LUZP2: variants seen among roughly 807,000 people sequenced by gnomAD.
LUZP2 encodes leucine zipper protein 2.
In LUZP2, 52 loss-of-function variants were observed where a neutral mutation model predicts 51.6. The ratio of observed to expected loss-of-function variants is 1.01; its 90% CI spans 0.81 to 1.27. LUZP2 has a LOEUF of 1.27. Ranked by LOEUF, LUZP2 falls within the 50% of genes most tolerant of loss-of-function variation. The probability of loss-of-function intolerance (pLI) is 0.00; values close to 1 mark genes in which losing one functional copy is unlikely to be tolerated. For missense variants in LUZP2, 436 were observed against 395.4 expected (o/e 1.10, Z -0.87); for synonymous variants, 154 against 137.3 (o/e 1.12, Z -0.85).
chr11:24,779,203 C>A (rs914923711), intron 5 of LUZP2, among the ~76,000 whole-genome samples: 3 of 152,068 alleles, frequency 2.0e-5, no homozygotes, highest in Admixed American at 6.6e-5. Context: ...ACATTATTTT[C>A]TGCGTTATTT....
intron 9 of LUZP2, among the ~76,000 whole-genome samples, chr11:24,986,853 A>G (rs758086759): frequency 2.0e-5 from 3 of 151,720 alleles, no homozygotes; most frequent in Non-Finnish European, 2.9e-5. Flanking sequence ...GAATCCTACC[A>G]CTTTTAGTTT....
At chr11:24,607,936 C>G (rs1382086851) in intron 1 of LUZP2, among the ~76,000 whole-genome samples, 3 of 152,016 alleles carry the variant, frequency 2.0e-5, no homozygotes, top group Non-Finnish European at 4.4e-5. Flanking sequence ...GCAAGCTCCG[C>G]CTCCTGGGTT....
chr11:24,856,851 A>G (rs867312544), intron 5 of LUZP2, among the ~76,000 whole-genome samples: 1 of 152,110 alleles, frequency 6.6e-6, no homozygotes, highest in African/African-American at 2.4e-5. Flanking sequence ...TAAAAAGTCA[A>G]ATACTGCATG....
At chr11:24,718,358 C>G (rs2133945979) in intron 1 of LUZP2, among the ~76,000 whole-genome samples, 1 of 152,302 alleles carries the variant, frequency 6.6e-6, no homozygotes, top group East Asian at 1.9e-4. Context: ...CCACTCTGGT[C>G]AAATGAAGCT....
chr11:25,049,117 A>G (rs970445337), intron 9 of LUZP2, among the ~76,000 whole-genome samples: 2 of 152,168 alleles, frequency 1.3e-5, no homozygotes, highest in African/African-American at 2.4e-5. Context: ...GCAGGTAAAA[A>G]TACCTGGGTG....
In LUZP2 at chr11:24,625,704, T is replaced by TA. The variant is rs78453169; in HGVS notation, c.63-103451dup. On this transcript the variant is annotated intron_variant, in intron 1 of 11. Coordinates refer to ENST00000336930, the MANE Select transcript of LUZP2 (RefSeq NM_001009909.4). ...TCGTTTGAAAAATGACTGTATTATC[T>TA]AAAAAAAAAAAAAATCAAAGTTTTC... Among the ~76,000 whole-genome samples, 1,163 of 137,386 alleles carry TA rather than the reference T, an allele frequency of 8.5e-3. 9 individuals are homozygous for TA. The highest frequency in any genetic ancestry group is 0.019 in the African/African-American group (731 of 37,676). 90.1% of individuals were successfully genotyped at this position (137,386 alleles called of 152,430 possible).
intron 9 of LUZP2, among the ~76,000 whole-genome samples, chr11:25,015,443 A>G (rs1857121809): frequency 6.6e-6 from 1 of 152,188 alleles, no homozygotes; most frequent in Admixed American, 6.5e-5. Context: ...TTCCTATTTT[A>G]GGATCTAACC....
intron 5 of LUZP2, among the ~76,000 whole-genome samples, chr11:24,814,884 C>T (rs1020428284): frequency 6.0e-5 from 9 of 151,044 alleles, no homozygotes; most frequent in Non-Finnish European, 1.2e-4. Context: ...CCCAGCTACT[C>T]GGGAGGCTGA....
chr11:24,967,818 T>C (rs1187724937), intron 7 of LUZP2, among the ~76,000 whole-genome samples: 1 of 152,116 alleles, frequency 6.6e-6, no homozygotes, highest in Non-Finnish European at 1.5e-5. Context: ...TAAAGTGTTT[T>C]TCTGCTATAT....
intron 1 of LUZP2, among the ~76,000 whole-genome samples, chr11:24,568,759 G>A (rs1445885197): frequency 2.6e-5 from 4 of 151,982 alleles, no homozygotes; most frequent in Non-Finnish European, 5.9e-5. Flanking sequence ...TATTTTCTGT[G>A]TCCAAAATTT....
chr11:24,854,610 C>G (rs1223006126), intron 5 of LUZP2, among the ~76,000 whole-genome samples: 1 of 151,694 alleles, frequency 6.6e-6, no homozygotes, highest in Non-Finnish European at 1.5e-5. Context: ...CTTCAGCACC[C>G]TTTCCAGGGC....
At position 24,546,480 on chromosome 11, in the gene LUZP2, T is replaced by TA. The variant is rs555332892; in HGVS notation, c.62+49182dup. On this transcript the variant is annotated intron_variant, in intron 1 of 11. Transcript: ENST00000336930. ...CCTAGTTTCTTGAGGTTTTTTAACA[T>TA]AAAAAAATGAATTTTATCAAAAGCT... 2.9e-3 allele frequency among the ~76,000 whole-genome samples: 436 copies of TA among 152,094 alleles called. 2 individuals are homozygous for TA. The highest frequency in any genetic ancestry group is 9.5e-3 in the African/African-American group (393 of 41,546).
intron 10 of LUZP2, among the ~76,000 whole-genome samples, chr11:25,073,806 T>A (rs141478193): frequency 6.6e-6 from 1 of 152,210 alleles, no homozygotes; most frequent in South Asian, 2.1e-4. Flanking sequence ...TTTGTAACCA[T>A]TAATGTTAGT....
intron 1 of LUZP2, among the ~76,000 whole-genome samples, chr11:24,563,628 G>A (rs1365067504): frequency 2.0e-5 from 3 of 151,934 alleles, no homozygotes; most frequent in African/African-American, 7.3e-5. Context: ...ACAGTCATAT[G>A]TTAACATGGA....
At chr11:24,938,112 A>T (rs1036215739) in intron 7 of LUZP2, among the ~76,000 whole-genome samples, 3 of 152,128 alleles carry the variant, frequency 2.0e-5, no homozygotes, top group Non-Finnish European at 4.4e-5. Flanking sequence ...AATAAGAAGA[A>T]AAAAACCCAA....
chr11:24,956,503 A>G (rs889168530), intron 7 of LUZP2, among the ~76,000 whole-genome samples: 1 of 152,154 alleles, frequency 6.6e-6, no homozygotes, highest in Non-Finnish European at 1.5e-5. Context: ...AAAGAGTGAG[A>G]GAAGGTCCTG....
intron 5 of LUZP2, among the ~76,000 whole-genome samples, chr11:24,894,719 A>G (rs1409430349): frequency 2.6e-5 from 4 of 152,034 alleles, no homozygotes; most frequent in Non-Finnish European, 4.4e-5. Flanking sequence ...TTCCTGTTCC[A>G]TTTAGCCACT....
Position 24,611,246 on chromosome 11 carries a change from A to G in LUZP2, c.62+113941A>G, listed in dbSNP as rs1043975150. ...AGCTACTAAGACTGTAATGGTGCCT[A>G]TATTTGCCCTCAAGCAACTCAAAGC... On this transcript the variant is annotated intron_variant, in intron 1 of 11. Coordinates refer to ENST00000336930, the MANE Select transcript of LUZP2 (RefSeq NM_001009909.4). The surrounding 1 kb of genome is among the most constrained non-coding windows in gnomAD (Gnocchi z 4.6). Among the ~76,000 whole-genome samples the G allele has an allele frequency of 1.3e-5, 2 of 152,114 alleles. No individual in the cohort carries two copies. The highest frequency in any genetic ancestry group is 2.9e-5 in the Non-Finnish European group (2 of 68,010).
chr11:24,615,874 T>C (rs1854267501), intron 1 of LUZP2, among the ~76,000 whole-genome samples: 1 of 151,416 alleles, frequency 6.6e-6, no homozygotes, highest in Admixed American at 6.6e-5. Context: ...TGTATAGTGA[T>C]ACCTCATTAT....
Sources: gnomAD v4.1 joint callset for allele counts (sites outside exome capture counted in the v4.1 genomes callset) on GRCh38, gnomAD v4.1.1 for gene constraint, Gnocchi (gnomAD v3.1) non-coding constraint, MANE v1.5 for transcripts, NCBI Gene and HGNC (gene_info 2026-07-23, HGNC 2026-07-21) for gene names.